Variants in CATSPERB observed in about 807,000 individuals in gnomAD.
CATSPERB encodes catsper channel auxiliary subunit beta.
In CATSPERB, 93 loss-of-function variants were observed where a neutral mutation model predicts 128.3. That is an observed-to-expected ratio of 0.72 (90% CI 0.61 to 0.86). The LOEUF is 0.86. CATSPERB is among the 40% of genes least tolerant of loss of function. The probability of loss-of-function intolerance (pLI) is 0.00; values close to 1 mark genes in which losing one functional copy is unlikely to be tolerated. For missense variants in CATSPERB, 1,153 were observed against 1,329.5 expected, an observed-to-expected ratio of 0.87 and a Z score of 2.06; for synonymous variants, 381 against 448.8, an observed-to-expected ratio of 0.85 and a Z score of 1.91.
chr14:91,670,680 G>GAA (rs1243340329), intron 13 of CATSPERB, among the ~76,000 whole-genome samples: 1 of 139,030 alleles, frequency 7.2e-6, no homozygotes, highest in African/African-American at 2.7e-5. Flanking sequence ...CATCTCAAAA[G>GAA]AAAAAAAAAA....
intron 20 of CATSPERB, among the ~76,000 whole-genome samples, chr14:91,613,457 G>T (rs1014481418): frequency 1.3e-5 from 2 of 152,126 alleles, no homozygotes; most frequent in African/African-American, 4.8e-5. Context: ...GGAAAAAAAA[G>T]AAAATATTGT....
At chr14:91,667,797 T>C (rs9972131) in intron 14 of CATSPERB, among the ~76,000 whole-genome samples, 58,651 of 151,544 alleles carry the variant, frequency 0.39, 11,466 homozygotes, top group Middle Eastern at 0.5. Context: ...AATCAGACAA[T>C]GCCTTTCAAA....
intron 5 of CATSPERB, among the ~76,000 whole-genome samples, chr14:91,708,705 T>C (rs79054382): frequency 0.22 from 34,072 of 151,974 alleles, 4,062 homozygotes; most frequent in South Asian, 0.39. Flanking sequence ...ACAGAGAAGA[T>C]TGAACAAATA....
chr14:91,716,229 A>G (rs1431598661), intron 5 of CATSPERB, among the ~76,000 whole-genome samples: 2 of 152,246 alleles, frequency 1.3e-5, no homozygotes, highest in East Asian at 3.8e-4. Context: ...AACAGATACT[A>G]AGCCAAATGG....
intron 17 of CATSPERB, among the ~76,000 whole-genome samples, chr14:91,632,716 T>A (rs1451492511): frequency 6.6e-6 from 1 of 152,086 alleles, no homozygotes; most frequent in Non-Finnish European, 1.5e-5. Flanking sequence ...GGAACAGGAT[T>A]AATCTAACAA....
intron 2 of CATSPERB, 64 bp downstream of exon 2, chr14:91,729,337 A>G (rs1896172955): frequency 1.5e-6 from 1 of 683,536 alleles, no homozygotes; most frequent in Non-Finnish European, 2.4e-6. Flanking sequence ...TACTGTAAAT[A>G]AGGAAGAGAC....
chr14:91,582,993 C>T (rs548680906), intron 26 of CATSPERB, among the ~76,000 whole-genome samples: 1 of 152,308 alleles, frequency 6.6e-6, no homozygotes, highest in South Asian at 2.1e-4. Context: ...TGTGGAGGTC[C>T]CCGGTTGGCA....
At chr14:91,638,076 G>T (rs1894411559) in intron 16 of CATSPERB, among the ~76,000 whole-genome samples, 3 of 152,112 alleles carry the variant, frequency 2.0e-5, no homozygotes, top group Admixed American at 6.5e-5. Context: ...CTCAACTGCA[G>T]CCTTGGCCTG....
chr14:91,636,459 C>T lies in CATSPERB; in HGVS notation c.1708G>A (p.Gly570Ser), dbSNP rs764572295. 21 of 1,613,892 alleles carry T rather than the reference C, an allele frequency of 1.3e-5. No individual in the cohort carries two copies. Among genetic ancestry groups the T allele is most frequent in the Non-Finnish European group, 1.5e-5 (18 of 1,180,008 alleles). The change falls in exon 17 of 27, where the codon GGC becomes AGC. Residue 570 changes from glycine (G) to serine (S), a missense_variant. Physicochemically the swap from Gly to Ser is moderately conservative, Grantham distance 56. Coordinates refer to ENST00000256343, the MANE Select transcript of CATSPERB (RefSeq NM_024764.4). Reference protein sequence around the residue: ...PQETIYSKKFGNIHYGKVIHS... With the variant: ...PQETIYSKKFSNIHYGKVIHS... Reference sequence around the variant, plus strand: ...ATCACTTTTCCATAGTGTATATTGCCGAACTTCTTGCTGTAGATCGTTTCC... The same window carrying T: ...ATCACTTTTCCATAGTGTATATTGCTGAACTTCTTGCTGTAGATCGTTTCC...
chr14:91,686,816 G>C (rs61045020), intron 10 of CATSPERB, among the ~76,000 whole-genome samples: 1 of 152,118 alleles, frequency 6.6e-6, no homozygotes, highest in Non-Finnish European at 1.5e-5. Flanking sequence ...ATTCATGGGA[G>C]CATTGTTTGT....
rs1159338488 is a variant in CATSPERB, at chr14:91,691,570, G to T, written c.832-15C>A. 1.9e-6 allele frequency: 3 copies of T among 1,595,824 alleles called. No homozygotes were observed. Among genetic ancestry groups the T allele is most frequent in the Non-Finnish European group, 2.6e-6 (3 of 1,170,584 alleles). ...GCCCTGGAAAACTAGAAGAAAAGAA[G>T]AAACTTTAATTTTTGCTTGCATATC... On this transcript the variant is annotated splice_polypyrimidine_tract_variant and intron_variant, in intron 9 of 26. Transcript: ENST00000256343.
At chr14:91,654,841 C>G (rs1894761390) in intron 15 of CATSPERB, among the ~76,000 whole-genome samples, 1 of 152,160 alleles carries the variant, frequency 6.6e-6, no homozygotes, top group African/African-American at 2.4e-5. Flanking sequence ...CAGTGCAGTC[C>G]TAGTGGTGGT....
At chr14:91,674,980 G>C (rs188382558) in intron 11 of CATSPERB, among the ~76,000 whole-genome samples, 82 of 152,348 alleles carry the variant, frequency 5.4e-4, no homozygotes, top group Non-Finnish European at 9.8e-4. Flanking sequence ...CGTGAGCCTG[G>C]CCACTCTCCC....
chr14:91,613,691 T>C (rs768474533), intron 20 of CATSPERB, among the ~76,000 whole-genome samples: 3 of 152,214 alleles, frequency 2.0e-5, no homozygotes, highest in Admixed American at 1.3e-4. Flanking sequence ...TCTGGCCTCA[T>C]GGACTGGGCT....
chr14:91,594,804 A>C (rs1445175834), intron 22 of CATSPERB, among the ~76,000 whole-genome samples: 1 of 152,216 alleles, frequency 6.6e-6, no homozygotes, highest in Non-Finnish European at 1.5e-5. Flanking sequence ...CATTACTCTG[A>C]AGTCCATATA....
intron 15 of CATSPERB, among the ~76,000 whole-genome samples, chr14:91,655,635 C>G (rs562920738): frequency 6.6e-6 from 1 of 151,838 alleles, no homozygotes; most frequent in Admixed American, 6.6e-5. Flanking sequence ...TAAAAATACA[C>G]AATTAGAGTA....
intron 6 of CATSPERB, 131 bp from the exon 7 acceptor site, chr14:91,704,832 C>G: frequency 2.4e-6 from 2 of 832,446 alleles, no homozygotes; most frequent in Non-Finnish European, 3.7e-6. Context: ...CATTACCTCA[C>G]TCTGCATTGG....
chr14:91,618,583 T>C (rs551203619), intron 19 of CATSPERB, among the ~76,000 whole-genome samples: 92 of 152,282 alleles, frequency 6.0e-4, no homozygotes, highest in African/African-American at 2.2e-3. Flanking sequence ...AACTGAAGGG[T>C]ACATGCCCAG....
chr14:91,651,252 G>A (rs1009987432), intron 15 of CATSPERB, among the ~76,000 whole-genome samples: 3 of 152,268 alleles, frequency 2.0e-5, no homozygotes, highest in Admixed American at 6.5e-5. Flanking sequence ...TTGGTGGTGT[G>A]GTTTTGTGGT....
Sources: allele counts gnomAD v4.1 joint callset (sites outside exome capture counted in the v4.1 genomes callset), GRCh38; gene constraint gnomAD v4.1.1; transcripts MANE v1.5; gene names NCBI Gene and HGNC (gene_info 2026-07-23, HGNC 2026-07-21).